LIFR: variants seen among roughly 807,000 people sequenced by gnomAD.
The protein encoded by LIFR is leukemia inhibitory factor receptor.
Under a neutral mutation model 122.2 loss-of-function variants are expected in LIFR, and 84 were observed. That is an observed-to-expected ratio of 0.69 (90% CI 0.58 to 0.82). The LOEUF (loss-of-function observed/expected upper bound fraction) is 0.82, where lower values mean the gene tolerates loss of function less well. Among genes scored for constraint, LIFR ranks in the 40% least tolerant of loss-of-function variants. The pLI is 0.00. For synonymous variants in LIFR, 422 were observed against 434.7 expected, an observed-to-expected ratio of 0.97 and a Z score of 0.36; for missense variants, 1,294 against 1,311.6, an observed-to-expected ratio of 0.99 and a Z score of 0.21.
In LIFR at chr5:38,589,718, ATGTG is replaced by A. The variant is rs35505046; in HGVS notation, c.-20+5539_-20+5542del. On this transcript the variant is annotated intron_variant, in intron 1 of 19. Transcript: ENST00000263409. ...AAAGGGTCAGAAGGCAGAGAAGAAA[ATGTG>A]TGTGTGTGTGTGTGTGTGTGTGTGT... 2.2e-3 allele frequency among the ~76,000 whole-genome samples: 322 copies of A among 146,282 alleles called. 2 individuals are homozygous for A. The highest frequency in any genetic ancestry group is 6.9e-3 in the African/African-American group (277 of 39,940).
chr5:38,495,956 A>G (rs931469534), intron 13 of LIFR, among the ~76,000 whole-genome samples: 3 of 152,204 alleles, frequency 2.0e-5, no homozygotes, highest in Non-Finnish European at 2.9e-5. Context: ...CTTATCAAAA[A>G]AGGTGCTAAT....
At chr5:38,577,666 A>G (rs1384412631) in intron 1 of LIFR, among the ~76,000 whole-genome samples, 1 of 152,144 alleles carries the variant, frequency 6.6e-6, no homozygotes. Flanking sequence ...TCTGTAACCA[A>G]TGTTTGTTTT....
At chr5:38,576,257 G>A (rs939556592) in intron 1 of LIFR, among the ~76,000 whole-genome samples, 3 of 152,094 alleles carry the variant, frequency 2.0e-5, no homozygotes, top group Admixed American at 6.5e-5. Context: ...AGTCCTCTCT[G>A]CTTCCTGCTT....
intron 1 of LIFR, among the ~76,000 whole-genome samples, chr5:38,576,926 C>T (rs929590555): frequency 6.6e-6 from 1 of 152,148 alleles, no homozygotes. Context: ...GGACACAATC[C>T]TAAAGTGCTC....
rs1743711925 is a variant in LIFR, at chr5:38,476,149, T to C, written c.*5446A>G. On this transcript the variant is annotated 3_prime_UTR_variant, in exon 20 of 20. Transcript: ENST00000453190. ...CTAGCTTATGATATATTAGACAATT[T>C]GGGGAAAAGCATTTGGAATCAAACT... The C allele has an allele frequency of 1.5e-5, 3 of 203,354 alleles. No individual in the cohort carries two copies. The highest frequency in any genetic ancestry group is 6.0e-5 in the Admixed American group (1 of 16,708). 12.6% of individuals were successfully genotyped at this position (203,354 alleles called of 1,614,324 possible). A position where few individuals can be genotyped will look rare whatever the true frequency, so the allele number is the denominator to read the frequency against.
In LIFR at chr5:38,528,883, C is replaced by T. The variant is rs761622461; in HGVS notation, c.143-43G>A. On this transcript the variant is annotated intron_variant, in intron 2 of 19. Coordinates refer to ENST00000453190, the MANE Select transcript of LIFR (RefSeq NM_001127671.2). ...ACACACACACACACACACACAGACA[C>T]ACATAAACACAGAATATGCTGAATA... is the stretch of plus-strand genomic sequence containing the variant. The T allele has an allele frequency of 5.4e-6, 5 of 931,574 alleles. No homozygotes were observed. In the Admixed American group the frequency reaches 1.1e-4, roughly 21 times the overall value. The allele number at this position is 931,574 out of a possible 1,614,324, so 57.7% of individuals were successfully genotyped here. A position where few individuals can be genotyped will look rare whatever the true frequency, so the allele number is the denominator to read the frequency against.
At chr5:38,532,477 C>G (rs1747063295) in intron 1 of LIFR, among the ~76,000 whole-genome samples, 1 of 152,186 alleles carries the variant, frequency 6.6e-6, no homozygotes, top group Non-Finnish European at 1.5e-5. Flanking sequence ...GGCACGCAGA[C>G]AGTAGCGAGC....
chr5:38,556,963 C>CGGCTCTGCGGGGA (rs1748612024), upstream of LIFR: 1 of 152,280 alleles, frequency 6.6e-6, no homozygotes, highest in African/African-American at 2.4e-5. Context: ...GAGTGCGCGA[C>CGGCTCTGCGGGGA]GGCTCTGCGG....
At chr5:38,546,254 G>A (rs1434211026) in intron 1 of LIFR, among the ~76,000 whole-genome samples, 1 of 152,002 alleles carries the variant, frequency 6.6e-6, no homozygotes, top group Non-Finnish European at 1.5e-5. Context: ...ACATATATAC[G>A]CCATTACATG....
rs953154370 is a variant in LIFR at position 38,479,037 on chromosome 5, A to G, written c.*2558T>C. On this transcript the variant is annotated 3_prime_UTR_variant, in exon 20 of 20. Coordinates refer to ENST00000453190, the MANE Select transcript of LIFR (RefSeq NM_001127671.2). Reference sequence around the variant, plus strand: ...CTTCATTGACAAACAGCGCACATTTACCAGTATCTCAGACAACTGAACATG... The same window carrying G: ...CTTCATTGACAAACAGCGCACATTTGCCAGTATCTCAGACAACTGAACATG... 1 of 231,926 alleles carries G rather than the reference A, an allele frequency of 4.3e-6. No individual in the cohort carries two copies. Among genetic ancestry groups the G allele is most frequent in the Non-Finnish European group, 8.5e-6 (1 of 117,210 alleles). 14.4% of individuals were successfully genotyped at this position (231,926 alleles called of 1,614,324 possible).
chr5:38,540,688 G>A (rs1489958175), intron 1 of LIFR, among the ~76,000 whole-genome samples: 5 of 152,016 alleles, frequency 3.3e-5, no homozygotes, highest in Admixed American at 6.6e-5. Context: ...TTCCAAAAGG[G>A]CAGGAAATCC....
upstream of LIFR, among the ~76,000 whole-genome samples, chr5:38,597,019 A>G (rs3812045): frequency 9.1e-3 from 1,390 of 152,352 alleles, 121 homozygotes; most frequent in East Asian, 0.2. Flanking sequence ...ATCATCAGCT[A>G]GAGGAAGCCC....
chr5:38,578,207 C>CT lies in LIFR; in HGVS notation c.-20+17053dup, dbSNP rs3079294. The stretch of plus-strand genomic sequence containing the variant: ...TTTCTTTTCTTTTCTTTTTCTTTTT[C>CT]TTTTTTTTTTTTTTTTGAGACAGAG... On this transcript the variant is annotated intron_variant, in intron 1 of 19. Transcript: ENST00000263409. Among the ~76,000 whole-genome samples the CT allele has an allele frequency of 6.7e-3, 829 of 123,440 alleles. 29 individuals carry two copies. The highest frequency in any genetic ancestry group is 0.021 in the East Asian group (90 of 4,318). 81.0% of individuals were successfully genotyped at this position (123,440 alleles called of 152,430 possible). A position where few individuals can be genotyped will look rare whatever the true frequency, so the allele number is the denominator to read the frequency against.
At position 38,507,440 on chromosome 5, in the gene LIFR, T is replaced by A. The variant is rs555060270; in HGVS notation, c.992-808A>T. On this transcript the variant is annotated intron_variant, in intron 7 of 19. Transcript: ENST00000453190. ...TTAGCCGGGTGTGGTGGAGGGTGCC[T>A]GAAGTCTCAGCTATTCGGGAGGCTG... Among the ~76,000 whole-genome samples the A allele has an allele frequency of 1.5e-4, 22 of 151,518 alleles. 1 individual carries two copies. In the South Asian group the frequency reaches 4.4e-3, roughly 30 times the overall value.
intron 1 of LIFR, among the ~76,000 whole-genome samples, chr5:38,548,182 T>C (rs1425643884): frequency 6.6e-6 from 1 of 152,072 alleles, no homozygotes; most frequent in African/African-American, 2.4e-5. Context: ...CATGAGGTCA[T>C]ACTTAAGATA....
At chr5:38,511,702 T>C (rs1745812823) in intron 6 of LIFR, 88 bp downstream of exon 6, 2 of 1,276,272 alleles carry the variant, frequency 1.6e-6, no homozygotes, top group Admixed American at 1.7e-5. Context: ...AATGAGGTTA[T>C]GAGAAGTGAA....
chr5:38,489,994 CAAAAAAAAAAAAAAA>C lies in LIFR; in HGVS notation c.2167+181_2167+195del, dbSNP rs58235156. Reference sequence around the variant, plus strand: ...TGGGTGACAGAGTAAGACCCTCTCTCAAAAAAAAAAAAAAAAAAAAAAAAAAAGAGGAGGAGGAGA... The same window carrying C: ...TGGGTGACAGAGTAAGACCCTCTCTCAAAAAAAAAAAAGAGGAGGAGGAGA... On this transcript the variant is annotated intron_variant, in intron 15 of 19. Transcript: ENST00000453190. Among the ~76,000 whole-genome samples, 6 of 49,664 alleles carry C rather than the reference CAAAAAAAAAAAAAAA, an allele frequency of 1.2e-4. No individual in the cohort carries two copies. The South Asian group carries it at 3.1e-3, about 26-fold the overall frequency. 32.6% of individuals were successfully genotyped at this position (49,664 alleles called of 152,430 possible).
At chr5:38,499,153 A>C (rs1017639003) in intron 12 of LIFR, among the ~76,000 whole-genome samples, 15 of 152,362 alleles carry the variant, frequency 9.8e-5, no homozygotes, top group African/African-American at 3.1e-4. Context: ...TTACACATGA[A>C]GTATATAAAA....
At chr5:38,527,758 C>A (rs3756420) in intron 3 of LIFR, among the ~76,000 whole-genome samples, 1 of 152,206 alleles carries the variant, frequency 6.6e-6, no homozygotes, top group Non-Finnish European at 1.5e-5. Flanking sequence ...CTCTTCAGTT[C>A]TGTTTTCAAA....
Sources: gnomAD v4.1 joint callset for allele counts (sites outside exome capture counted in the v4.1 genomes callset) on GRCh38, gnomAD v4.1.1 for gene constraint, MANE v1.5 for transcripts, NCBI Gene and HGNC (gene_info 2026-07-23, HGNC 2026-07-21) for gene names.